Variants in LNPK observed in about 807,000 individuals in gnomAD.
The protein encoded by LNPK is endoplasmic reticulum junction formation protein lunapark.
In LNPK, 29 loss-of-function variants were observed where a neutral mutation model predicts 55.2. That is an observed-to-expected ratio of 0.53 (90% CI 0.39 to 0.72). The LOEUF (loss-of-function observed/expected upper bound fraction) is 0.72, where lower values mean the gene tolerates loss of function less well. Ranked by LOEUF, LNPK falls within the 30% of genes least tolerant of loss-of-function variation. The probability of loss-of-function intolerance (pLI) is 0.00; values close to 1 mark genes in which losing one functional copy is unlikely to be tolerated. For synonymous variants in LNPK, 162 were observed against 168.2 expected (o/e 0.96, Z 0.29); for missense variants, 467 against 494.8 (o/e 0.94, Z 0.53).
chr2:175,928,477 C>T lies in LNPK; in HGVS notation c.*1490G>A, dbSNP rs1197864416. ...GGCTCAAAAACTCTGGTTACTATACCGGATGTCCCAGACTGTTAACAGATT... is the reference window on the plus strand; with the variant it reads ...GGCTCAAAAACTCTGGTTACTATACTGGATGTCCCAGACTGTTAACAGATT... On this transcript the variant is annotated 3_prime_UTR_variant, in exon 13 of 13. Coordinates refer to ENST00000272748, the MANE Select transcript of LNPK (RefSeq NM_030650.3). 2.1e-5 allele frequency: 3 copies of T among 140,368 alleles called. No individual in the cohort carries two copies. The highest frequency in any genetic ancestry group is 5.4e-5 in the African/African-American group (2 of 37,294). 8.7% of individuals were successfully genotyped at this position (140,368 alleles called of 1,614,324 possible). A position where few individuals can be genotyped will look rare whatever the true frequency, so the allele number is the denominator to read the frequency against.
In LNPK at chr2:175,937,499, T is replaced by A; in HGVS notation, c.899A>T (p.Tyr300Phe). ...EFEYIAFRCA[Y>F]CFFLNPARKT... ...TCTTGCAGGGTTCAAGAAAAAACAG[T>A]AGGCACATCGAAAAGCTGCAGAGAA... Residue 300 changes from tyrosine to phenylalanine, a missense_variant, in exon 12 of 13, where the codon TAC (tyrosine) becomes TTC (phenylalanine). Tyr to Phe is a conservative substitution (Grantham distance 22). Coordinates refer to ENST00000272748, the MANE Select transcript of LNPK (RefSeq NM_030650.3). 1 of 1,609,504 alleles carries A rather than the reference T, an allele frequency of 6.2e-7. No individual in the cohort carries two copies. Among genetic ancestry groups the A allele is most frequent in the Non-Finnish European group, 8.5e-7 (1 of 1,178,464 alleles).
intron 8 of LNPK, among the ~76,000 whole-genome samples, chr2:175,963,420 T>C (rs1294255768): frequency 1.3e-5 from 2 of 152,014 alleles, no homozygotes; most frequent in East Asian, 1.9e-4. Context: ...ATGGATGAAA[T>C]TGGAAATCAT....
chr2:175,999,707 T>C (rs1265780818), intron 1 of LNPK, among the ~76,000 whole-genome samples: 3 of 152,210 alleles, frequency 2.0e-5, no homozygotes, highest in African/African-American at 4.8e-5. Context: ...CTTTCCACTC[T>C]GATCTGATAC....
chr2:175,979,010 TCAAA>T (rs1219382542), intron 5 of LNPK, among the ~76,000 whole-genome samples: 1 of 152,108 alleles, frequency 6.6e-6, no homozygotes, highest in Non-Finnish European at 1.5e-5. Context: ...GGATCCTTAG[TCAAA>T]CAAATAAAAT....
At chr2:175,972,746 G>A (rs1488822596) in intron 5 of LNPK, among the ~76,000 whole-genome samples, 1 of 152,126 alleles carries the variant, frequency 6.6e-6, no homozygotes, top group Non-Finnish European at 1.5e-5. Flanking sequence ...CAATCCACAG[G>A]CATAGGATTT....
intron 10 of LNPK, among the ~76,000 whole-genome samples, chr2:175,939,089 CT>C (rs1684688788): frequency 6.6e-6 from 1 of 151,986 alleles, no homozygotes; most frequent in Non-Finnish European, 1.5e-5. Context: ...AAAATCTATA[CT>C]TTGACAATTG....
chr2:175,936,729 G>A (rs1369843243), intron 12 of LNPK, among the ~76,000 whole-genome samples: 1 of 152,040 alleles, frequency 6.6e-6, no homozygotes, highest in Non-Finnish European at 1.5e-5. Context: ...ATTGTAAGAT[G>A]AATTCTAAAA....
intron 8 of LNPK, among the ~76,000 whole-genome samples, chr2:175,963,176 A>C (rs1178060614): frequency 6.6e-6 from 1 of 150,394 alleles, no homozygotes; most frequent in Non-Finnish European, 1.5e-5. Flanking sequence ...AACTAGAAAT[A>C]CCATTTGACC....
rs1323016178 is a variant in LNPK, at chr2:175,927,917, T to C, written c.*2050A>G. The C allele has an allele frequency of 6.6e-6, 1 of 152,160 alleles. No homozygotes were observed. The highest frequency in any genetic ancestry group is 1.9e-4 in the East Asian group (1 of 5,196). The allele number at this position is 152,160 out of a possible 1,614,324, so 9.4% of individuals were successfully genotyped here. On this transcript the variant is annotated 3_prime_UTR_variant, in exon 13 of 13. Coordinates refer to ENST00000272748, the MANE Select transcript of LNPK (RefSeq NM_030650.3). The stretch of plus-strand genomic sequence containing the variant: ...TCTTTCAAAGATATTTCTCATACTA[T>C]CTGTTTGAGTCTATCAAATTTCTCT...
intron 6 of LNPK, among the ~76,000 whole-genome samples, chr2:175,970,140 C>T (rs1686585543): frequency 6.6e-6 from 1 of 152,186 alleles, no homozygotes; most frequent in Non-Finnish European, 1.5e-5. Flanking sequence ...CAAACACCAA[C>T]TTCAATTCAC....
At chr2:175,972,466 G>A (rs760773887) in intron 5 of LNPK, among the ~76,000 whole-genome samples, 1 of 151,890 alleles carries the variant, frequency 6.6e-6, no homozygotes, top group Non-Finnish European at 1.5e-5. Flanking sequence ...GGATTTAGGG[G>A]GATTTCAGAT....
chr2:175,960,196 G>A (rs144065835), intron 8 of LNPK, among the ~76,000 whole-genome samples: 31 of 152,212 alleles, frequency 2.0e-4, no homozygotes, highest in African/African-American at 7.0e-4. Context: ...ACTCAGCTCT[G>A]CACCAAGCTG....
chr2:175,953,158 A>G (rs1045285960), intron 8 of LNPK, among the ~76,000 whole-genome samples: 3 of 151,950 alleles, frequency 2.0e-5, no homozygotes, highest in African/African-American at 7.2e-5. Context: ...ATCTAGCTCT[A>G]CTTTTGACTC....
rs1359132707 is a variant in LNPK, at chr2:175,929,397, G to A, written c.*570C>T. The A allele has an allele frequency of 1.0e-6, 1 of 985,180 alleles. No homozygotes were observed. Among genetic ancestry groups the A allele is most frequent in the East Asian group, 1.1e-4 (1 of 8,816 alleles). 61.0% of individuals were successfully genotyped at this position (985,180 alleles called of 1,614,324 possible). On this transcript the variant is annotated 3_prime_UTR_variant, in exon 13 of 13. Transcript: ENST00000272748. ...TCGTACCAGTGCCAACGTAGTTACA[G>A]TTCTACTTAACTGTTCCACTGCATT...
At chr2:175,975,553 A>G (rs1686871942) in intron 5 of LNPK, among the ~76,000 whole-genome samples, 1 of 152,226 alleles carries the variant, frequency 6.6e-6, no homozygotes, top group Non-Finnish European at 1.5e-5. Context: ...CATCATGAAG[A>G]ATGCGGTATC....
chr2:175,956,964 T>C (rs1211262574), intron 8 of LNPK, among the ~76,000 whole-genome samples: 3 of 152,228 alleles, frequency 2.0e-5, no homozygotes, highest in Non-Finnish European at 4.4e-5. Context: ...CTATTCATTT[T>C]AAGTAGCCTT....
At chr2:175,935,948 C>T (rs917912804) in intron 12 of LNPK, among the ~76,000 whole-genome samples, 3 of 151,850 alleles carry the variant, frequency 2.0e-5, no homozygotes, top group African/African-American at 7.3e-5. Context: ...TATTAGCTTA[C>T]AGATATTCAC....
chr2:176,002,390 G>A, upstream of LNPK: 1 of 355,158 alleles, frequency 2.8e-6, no homozygotes, highest in Non-Finnish European at 5.4e-6. Context: ...TGTTGGGGCG[G>A]GTCGGCCGGG....
intron 12 of LNPK, among the ~76,000 whole-genome samples, chr2:175,931,153 T>C (rs887775402): frequency 2.0e-5 from 3 of 152,158 alleles, no homozygotes; most frequent in Non-Finnish European, 4.4e-5. Flanking sequence ...CAATTAGTAT[T>C]TTTGCTAGTA....
Sources: allele counts gnomAD v4.1 joint callset (sites outside exome capture counted in the v4.1 genomes callset), GRCh38; gene constraint gnomAD v4.1.1; transcripts MANE v1.5; gene names NCBI Gene and HGNC (gene_info 2026-07-23, HGNC 2026-07-21).